Variants in MID1 observed in about 807,000 individuals in gnomAD.
The protein encoded by MID1 is midline 1.
In MID1, 7 loss-of-function variants were observed where a neutral mutation model predicts 40.4. That is an observed-to-expected ratio of 0.17 (90% CI 0.10 to 0.33). The LOEUF (loss-of-function observed/expected upper bound fraction) is 0.33, where lower values mean the gene tolerates loss of function less well. MID1 is among the 10% of genes least tolerant of loss of function. MID1 has a pLI of 1.00. For missense variants in MID1, 367 were observed against 558.5 expected (o/e 0.66, Z 3.46); for synonymous variants, 229 against 221.2 (o/e 1.04, Z -0.31).
intron 2 of MID1, among the ~76,000 whole-genome samples, chrX:10,552,196 G>A (rs775809501): frequency 4.7e-4 from 52 of 110,526 alleles, no homozygotes; most frequent in African/African-American, 1.6e-3. Flanking sequence ...AGGGAATGTC[G>A]GAGATCAGAT....
intron 3 of MID1, among the ~76,000 whole-genome samples, chrX:10,504,440 C>T (rs1337571841): frequency 9.0e-6 from 1 of 111,416 alleles, no homozygotes; most frequent in African/African-American, 3.3e-5. Context: ...GTAATAATTA[C>T]TACATAAATG....
intron 2 of MID1, among the ~76,000 whole-genome samples, chrX:10,556,103 A>G (rs1392962421): frequency 9.0e-6 from 1 of 111,425 alleles, no homozygotes; most frequent in Non-Finnish European, 1.9e-5. Flanking sequence ...TACAAAAAAA[A>G]AAAAAGAAAG....
chrX:10,679,435 C>T (rs1418696592), intron 1 of MID1, among the ~76,000 whole-genome samples: 1 of 111,958 alleles, frequency 8.9e-6, no homozygotes, highest in Non-Finnish European at 1.9e-5. Flanking sequence ...TTTACTCATC[C>T]TCTTATGTCA....
intron 1 of MID1, among the ~76,000 whole-genome samples, chrX:10,756,696 G>T (rs1028964813): frequency 1.8e-5 from 2 of 111,999 alleles, no homozygotes; most frequent in African/African-American, 3.2e-5. Flanking sequence ...ATACACTTGT[G>T]GCAATGTACT....
At chrX:10,573,300 A>G (rs773859771) in intron 1 of MID1, among the ~76,000 whole-genome samples, 137 of 112,248 alleles carry the variant, frequency 1.2e-3, no homozygotes, top group Non-Finnish European at 2.2e-3. Flanking sequence ...CGATTTATAA[A>G]CAAAAGAGGT....
chrX:10,743,829 C>T (rs2043542064), intron 1 of MID1, among the ~76,000 whole-genome samples: 1 of 111,958 alleles, frequency 8.9e-6, no homozygotes, highest in Non-Finnish European at 1.9e-5. Flanking sequence ...ATCACACATG[C>T]TTTGCAAAGC....
intron 1 of MID1, among the ~76,000 whole-genome samples, chrX:10,652,803 C>T (rs111560194): frequency 2.7e-5 from 3 of 111,462 alleles, no homozygotes; most frequent in African/African-American, 9.8e-5. Flanking sequence ...TAGTTCTTGC[C>T]TCCAGGATAT....
At chrX:10,679,099 C>T (rs1196823157) in intron 1 of MID1, among the ~76,000 whole-genome samples, 1 of 111,929 alleles carries the variant, frequency 8.9e-6, no homozygotes, top group East Asian at 2.8e-4. Flanking sequence ...TACAAGGAAC[C>T]CACACAAATG....
chrX:10,635,586 T>C (rs1313755603), intron 1 of MID1, among the ~76,000 whole-genome samples: 1 of 111,603 alleles, frequency 9.0e-6, no homozygotes, highest in African/African-American at 3.2e-5. Flanking sequence ...ATTTAAATTA[T>C]ACCTTTTCCA....
At chrX:10,453,363 A>G (rs58892837) in intron 9 of MID1, among the ~76,000 whole-genome samples, 6 of 111,859 alleles carry the variant, frequency 5.4e-5, no homozygotes, top group African/African-American at 2.0e-4. Flanking sequence ...GTGTTTTATC[A>G]TGCTTATATT....
intron 3 of MID1, among the ~76,000 whole-genome samples, chrX:10,513,778 G>C (rs1461059617): frequency 8.9e-6 from 1 of 112,104 alleles, no homozygotes; most frequent in African/African-American, 3.2e-5. Context: ...CAAAGTGCTG[G>C]GATTACAGGC....
chrX:10,544,565 T>C (rs767678535), intron 2 of MID1, among the ~76,000 whole-genome samples: 2 of 112,333 alleles, frequency 1.8e-5, no homozygotes, highest in Non-Finnish European at 3.8e-5. Context: ...AGAAGGGAAA[T>C]ATTGCTACAT....
At chrX:10,726,518 A>C (rs1007672817) in intron 1 of MID1, among the ~76,000 whole-genome samples, 1 of 110,704 alleles carries the variant, frequency 9.0e-6, no homozygotes, top group Non-Finnish European at 1.9e-5. Flanking sequence ...AAAAAAAAAA[A>C]CAGAATAAGA....
At chrX:10,828,910 A>G (rs990815961) in intron 1 of MID1, among the ~76,000 whole-genome samples, 2 of 112,303 alleles carry the variant, frequency 1.8e-5, no homozygotes, top group African/African-American at 3.2e-5. Context: ...CAATACTCAT[A>G]ACCGTCCAAT....
At chrX:10,733,569 T>C (rs866721791) in intron 1 of MID1, among the ~76,000 whole-genome samples, 6 of 111,870 alleles carry the variant, frequency 5.4e-5, no homozygotes, top group Admixed American at 9.5e-5. Flanking sequence ...CACAGACATA[T>C]ACACACATAT....
chrX:10,506,855 G>A (rs1169679803), intron 3 of MID1, among the ~76,000 whole-genome samples: 3 of 111,926 alleles, frequency 2.7e-5, no homozygotes, highest in Non-Finnish European at 5.6e-5. Flanking sequence ...CCTGACTTCA[G>A]GGTCACAATC....
chrX:10,609,176 C>CAG (rs1300218866), intron 1 of MID1, among the ~76,000 whole-genome samples: 2 of 110,560 alleles, frequency 1.8e-5, no homozygotes, highest in Non-Finnish European at 3.8e-5. Context: ...CACACACACA[C>CAG]ACATTTGTCT....
intron 1 of MID1, among the ~76,000 whole-genome samples, chrX:10,706,503 G>T (rs756398897): frequency 9.1e-6 from 1 of 110,285 alleles, no homozygotes; most frequent in Non-Finnish European, 1.9e-5. Context: ...GAATTCTCAC[G>T]AGATCTGATG....
chrX:10,465,148 C>T (rs1929266551), intron 7 of MID1, among the ~76,000 whole-genome samples: 1 of 100,011 alleles, frequency 1.0e-5, no homozygotes, highest in Non-Finnish European at 2.0e-5. Flanking sequence ...CATGACACTG[C>T]ACTCCAGCCT....
Sources: gnomAD v4.1 joint callset for allele counts (sites outside exome capture counted in the v4.1 genomes callset) on GRCh38, gnomAD v4.1.1 for gene constraint, MANE v1.5 for transcripts, NCBI Gene and HGNC (gene_info 2026-07-23, HGNC 2026-07-21) for gene names.